TLE6: variants seen among roughly 807,000 people sequenced by gnomAD.
TLE6 encodes the protein TLE family member 6, subcortical maternal complex member.
TLE6 carries 72 observed loss-of-function variants against 77.1 expected under a neutral mutation model. That is an observed-to-expected ratio of 0.93 (90% CI 0.77 to 1.14). The LOEUF is 1.14. TLE6 is among the 50% of genes most tolerant of loss of function. TLE6 has a pLI of 0.00. For synonymous variants in TLE6, 366 were observed against 287.3 expected, an observed-to-expected ratio of 1.27 and a Z score of -2.77; for missense variants, 843 against 747.6, an observed-to-expected ratio of 1.13 and a Z score of -1.49.
chr19:2,991,717 T>C lies in TLE6; in HGVS notation c.1245-126T>C, dbSNP rs10425071. Reference sequence around the variant, plus strand: ...CTGTTTTCTGCCAACTTTGACACTCTGTGCAGGCAGAGATTTTTGGGTGGT... The same window carrying C: ...CTGTTTTCTGCCAACTTTGACACTCCGTGCAGGCAGAGATTTTTGGGTGGT... On this transcript the variant is annotated intron_variant, in intron 13 of 16. Transcript: ENST00000246112. 0.04 allele frequency: 33,843 copies of C among 852,640 alleles called. 7,565 individuals carry two copies. In the African/African-American group the frequency reaches 0.5, roughly 13 times the overall value. 52.8% of individuals were successfully genotyped at this position (852,640 alleles called of 1,614,324 possible). A position where few individuals can be genotyped will look rare whatever the true frequency, so the allele number is the denominator to read the frequency against.
At chr19:2,982,931 A>T (rs920324084) in intron 5 of TLE6, among the ~76,000 whole-genome samples, 2 of 152,034 alleles carry the variant, frequency 1.3e-5, no homozygotes, top group African/African-American at 4.8e-5. Flanking sequence ...GCCATATGAC[A>T]TGGGAGTGAG....
At position 2,991,928 on chromosome 19, in the gene TLE6, C is replaced by T. The variant is rs751705597; in HGVS notation, c.1330C>T (p.Arg444Trp). The T allele has an allele frequency of 3.3e-5, 54 of 1,613,760 alleles. No homozygotes were observed. Among genetic ancestry groups the T allele is most frequent in the African/African-American group, 6.7e-5 (5 of 74,844 alleles). ...GACTGGGGGTCCGGATGCCTGTCTGCGGTGCTGGGACCAGAGGACCATCAT... is the reference window on the plus strand; with the variant it reads ...GACTGGGGGTCCGGATGCCTGTCTGTGGTGCTGGGACCAGAGGACCATCAT... ...IWTGGPDACL[R>W]CWDQRTIMKP... Residue 444 changes from arginine to tryptophan, a missense_variant, in exon 14 of 17, where the codon CGG becomes TGG. Arg to Trp is a moderately radical substitution (Grantham distance 101). Coordinates refer to ENST00000246112, the MANE Select transcript of TLE6 (RefSeq NM_001143986.2).
intron 5 of TLE6, among the ~76,000 whole-genome samples, chr19:2,983,543 C>T (rs2088841797): frequency 6.7e-6 from 1 of 149,134 alleles, no homozygotes; most frequent in Non-Finnish European, 1.5e-5. Context: ...GTGTGAAGGC[C>T]CTGAGGCAGG....
chr19:2,985,945 C>A (rs1337349080), intron 5 of TLE6, among the ~76,000 whole-genome samples: 2 of 150,310 alleles, frequency 1.3e-5, no homozygotes, highest in Admixed American at 1.3e-4. Context: ...TGTAGTGGCA[C>A]ACGCCTGTAA....
intron 2 of TLE6, 92 bp downstream of exon 2, chr19:2,978,376 C>T (rs951728108): frequency 6.0e-5 from 77 of 1,291,652 alleles, no homozygotes; most frequent in South Asian, 1.5e-4. Flanking sequence ...GGGCTGGCCC[C>T]GCCCAGGCCT....
At chr19:2,989,394 C>G (rs895925797) in intron 12 of TLE6, 81 bp downstream of exon 12, 3 of 1,588,594 alleles carry the variant, frequency 1.9e-6, no homozygotes, top group Non-Finnish European at 1.7e-6. Context: ...GAGCCCAGAT[C>G]GTGGAGAGAG....
At chr19:2,978,987 A>G (rs997428915) in intron 2 of TLE6, among the ~76,000 whole-genome samples, 5 of 151,866 alleles carry the variant, frequency 3.3e-5, no homozygotes, top group Non-Finnish European at 4.4e-5. Context: ...GGAGTCTCAC[A>G]CTCACCTCGG....
In TLE6 at chr19:2,995,108, G is replaced by A. The variant is rs2145083472; in HGVS notation, c.*104G>A. On this transcript the variant is annotated 3_prime_UTR_variant, in exon 17 of 17. Coordinates refer to ENST00000246112, the MANE Select transcript of TLE6 (RefSeq NM_001143986.2). ...TGGAGGGAAGCGGGAAGGCTCTTCTGTGGCATCGCACGATCTAGTCTGTGG... is the reference window on the plus strand; with the variant it reads ...TGGAGGGAAGCGGGAAGGCTCTTCTATGGCATCGCACGATCTAGTCTGTGG... 2.8e-6 allele frequency: 2 copies of A among 723,162 alleles called. No individual in the cohort carries two copies. The highest frequency in any genetic ancestry group is 4.6e-6 in the Non-Finnish European group (2 of 430,612). The allele number at this position is 723,162 out of a possible 1,614,324, so 44.8% of individuals were successfully genotyped here.
chr19:2,990,628 C>T (rs1324807650), intron 13 of TLE6, among the ~76,000 whole-genome samples: 2 of 130,520 alleles, frequency 1.5e-5, no homozygotes, highest in Non-Finnish European at 3.1e-5. Flanking sequence ...AAAATACACA[C>T]ATATATAAAT....
At chr19:2,993,799 C>G (rs1459708281) in intron 15 of TLE6, among the ~76,000 whole-genome samples, 1 of 151,942 alleles carries the variant, frequency 6.6e-6, no homozygotes, top group Non-Finnish European at 1.5e-5. Flanking sequence ...CGCGGTCCGC[C>G]TCCGCCCTTC....
chr19:2,992,343 A>C (rs564641067), intron 14 of TLE6, among the ~76,000 whole-genome samples: 90 of 152,254 alleles, frequency 5.9e-4, no homozygotes, highest in Non-Finnish European at 1.2e-3. Context: ...ATGGTGGCAC[A>C]TGCCTATAAT....
At chr19:2,977,949 C>T (rs1370676223) in intron 1 of TLE6, among the ~76,000 whole-genome samples, 8 of 152,078 alleles carry the variant, frequency 5.3e-5, no homozygotes, top group Non-Finnish European at 4.4e-5. Context: ...CACTATCCAC[C>T]CCAGCCTCCT....
intron 7 of TLE6, 52 bp from the exon 8 acceptor site, chr19:2,987,304 A>C: frequency 6.2e-7 from 1 of 1,614,136 alleles, no homozygotes; most frequent in Non-Finnish European, 8.5e-7. Context: ...CTGTGCAGTG[A>C]ACCCTGCTGT....
chr19:2,980,372 A>G, intron 3 of TLE6, 190 bp downstream of exon 3: 1 of 422,808 alleles, frequency 2.4e-6, no homozygotes, highest in Non-Finnish European at 4.3e-6. Flanking sequence ...AAACAAAATT[A>G]CCAACAAATA....
intron 1 of TLE6, among the ~76,000 whole-genome samples, 188 bp from the exon 2 acceptor site, chr19:2,978,010 A>G (rs1425239355): frequency 2.0e-5 from 3 of 152,036 alleles, no homozygotes; most frequent in Non-Finnish European, 4.4e-5. Flanking sequence ...CCCCGCCCCC[A>G]TGAATCTGGG....
In TLE6 at chr19:2,993,499, G is replaced by A; in HGVS notation, c.1454G>A (p.Trp485Ter). The A allele has an allele frequency of 6.3e-7, 1 of 1,598,324 alleles. No individual in the cohort carries two copies. The highest frequency in any genetic ancestry group is 8.6e-7 in the Non-Finnish European group (1 of 1,168,222). The change falls in exon 15 of 17, where the codon TGG (tryptophan) becomes TAG (stop). Residue 485 changes from tryptophan (W) to a stop codon, truncating the protein, a stop_gained. Coordinates refer to ENST00000246112, the MANE Select transcript of TLE6 (RefSeq NM_001143986.2). LOFTEE classifies it high-confidence loss of function. ...CTGGGCATGGCCAATGGCCAGCAGT[G>A]GCTGCAAAGCACCAGCGGGAGCCAG... ...VLLGMANGQQ[W>*]LQSTSGSQRH...
chr19:2,987,491 G>C, intron 8 of TLE6, 119 bp downstream of exon 8: 1 of 1,442,168 alleles, frequency 6.9e-7, no homozygotes, highest in Admixed American at 1.7e-5. Context: ...CCTGCCCCTC[G>C]GGTCCCCCGG....
chr19:2,993,933 A>G lies in TLE6; in HGVS notation c.1538-86A>G, dbSNP rs2089147018. ...GAGACCCTGTCTCAAAAAAAAAAAAAAAAAAAAAAGGTGGGTGGGGAGGAT... is the reference window on the plus strand; with the variant it reads ...GAGACCCTGTCTCAAAAAAAAAAAAGAAAAAAAAAGGTGGGTGGGGAGGAT... On this transcript the variant is annotated intron_variant, in intron 15 of 16. Coordinates refer to ENST00000246112, the MANE Select transcript of TLE6 (RefSeq NM_001143986.2). 19 of 914,282 alleles carry G rather than the reference A, an allele frequency of 2.1e-5. No individual in the cohort carries two copies. In the South Asian group the frequency reaches 2.3e-4, roughly 11 times the overall value. The allele number at this position is 914,282 out of a possible 1,614,324, so 56.6% of individuals were successfully genotyped here.
chr19:2,987,445 G>T lies in TLE6; in HGVS notation c.558+73G>T, dbSNP rs2088940603. ...GGCGGTTGGGCTCCCCCAGGTCAGG[G>T]CACTGGGGTTCCTGTGGGATTTGTC... On this transcript the variant is annotated intron_variant, in intron 8 of 16. Transcript: ENST00000246112. 1.9e-6 allele frequency: 3 copies of T among 1,594,416 alleles called. No homozygotes were observed. The Admixed American group carries it at 5.0e-5, about 27-fold the overall frequency.
Sources: allele counts gnomAD v4.1 joint callset (sites outside exome capture counted in the v4.1 genomes callset), GRCh38; gene constraint gnomAD v4.1.1; transcripts MANE v1.5; gene names NCBI Gene and HGNC (gene_info 2026-07-23, HGNC 2026-07-21).